The following HSF2 variants were observed in gnomAD, a reference collection of about 807,000 sequenced individuals.
The protein encoded by HSF2 is heat shock factor protein 2.
Under a neutral mutation model 65.0 loss-of-function variants are expected in HSF2, and 21 were observed. That is an observed-to-expected ratio of 0.32 (90% CI 0.23 to 0.47). The LOEUF (loss-of-function observed/expected upper bound fraction) is 0.47, where lower values mean the gene tolerates loss of function less well. Ranked by LOEUF, HSF2 falls within the 20% of genes least tolerant of loss-of-function variation. HSF2 has a pLI of 1.00. For synonymous variants in HSF2, 225 were observed against 219.1 expected (o/e 1.03, Z -0.24); for missense variants, 499 against 628.1 (o/e 0.79, Z 2.20).
intron 11 of HSF2, among the ~76,000 whole-genome samples, chr6:122,429,596 A>C (rs1359677951): frequency 1.3e-5 from 2 of 152,094 alleles, no homozygotes; most frequent in African/African-American, 4.8e-5. Context: ...AATGAATAAG[A>C]ATTTGCATGG....
intron 5 of HSF2, among the ~76,000 whole-genome samples, chr6:122,418,763 C>T (rs998965989): frequency 2.0e-5 from 3 of 152,264 alleles, no homozygotes; most frequent in African/African-American, 2.4e-5. Flanking sequence ...TGAGCCACCA[C>T]GCCTGGCCCA....
At chr6:122,408,920 C>T (rs1482104296) in intron 1 of HSF2, among the ~76,000 whole-genome samples, 1 of 149,202 alleles carries the variant, frequency 6.7e-6, no homozygotes, top group Non-Finnish European at 1.5e-5. Context: ...GAATGGAAGA[C>T]ACAAGAAAAG....
intron 11 of HSF2, among the ~76,000 whole-genome samples, chr6:122,430,924 A>T (rs1774449918): frequency 6.6e-6 from 1 of 152,148 alleles, no homozygotes; most frequent in Non-Finnish European, 1.5e-5. Context: ...CTCAACTTTG[A>T]GGCTTCTAAA....
Position 122,422,172 on chromosome 6 carries a change from G to T in HSF2, c.704G>T (p.Gly235Val), listed in dbSNP as rs1299289284. 5 of 1,605,866 alleles carry T rather than the reference G, an allele frequency of 3.1e-6. No homozygotes were observed. Among genetic ancestry groups the T allele is most frequent in the South Asian group, 2.2e-5 (2 of 90,490 alleles). ...HHKVPHSRTE[G>V]LKPRERISDD... ...TAGGTTCCACACAGTAGGACTGAAG[G>T]TTTAAAGCCAAGGGAGAGGATTTCA... Residue 235 changes from glycine (G) to valine (V), a missense_variant, in exon 8 of 13, where the codon GGT becomes GTT. Physicochemically the swap from Gly to Val is moderately radical, Grantham distance 109 (BLOSUM62 -3). Transcript: ENST00000368455.
In HSF2 at chr6:122,418,081, T is replaced by A. The variant is rs558717276; in HGVS notation, c.532-1087T>A. Among the ~76,000 whole-genome samples the A allele has an allele frequency of 2.4e-4, 36 of 152,306 alleles. No homozygotes were observed. The South Asian group carries it at 7.0e-3, about 30-fold the overall frequency. On this transcript the variant is annotated intron_variant, in intron 5 of 12. Transcript: ENST00000368455. ...AACCTGTACAATAGATATTTTTAATTGATAATACTCTATTTAATCATGTAA... is the reference window on the plus strand; with the variant it reads ...AACCTGTACAATAGATATTTTTAATAGATAATACTCTATTTAATCATGTAA...
At chr6:122,407,883 C>T (rs1176339737) in intron 1 of HSF2, among the ~76,000 whole-genome samples, 2 of 152,098 alleles carry the variant, frequency 1.3e-5, no homozygotes, top group Non-Finnish European at 2.9e-5. Flanking sequence ...AAGATGAAGG[C>T]AGTGGCCATT....
intron 10 of HSF2, among the ~76,000 whole-genome samples, chr6:122,424,861 G>A (rs774806018): frequency 6.6e-6 from 1 of 151,906 alleles, no homozygotes; most frequent in Non-Finnish European, 1.5e-5. Context: ...AATCCTTACA[G>A]TCTTCAGCTA....
intron 4 of HSF2, among the ~76,000 whole-genome samples, chr6:122,414,212 A>G (rs1392097904): frequency 1.3e-5 from 2 of 152,130 alleles, no homozygotes; most frequent in Non-Finnish European, 2.9e-5. Flanking sequence ...ATTTTACTAC[A>G]TTTCTTGGTT....
rs1431016543 is a variant in HSF2, at chr6:122,422,998, C to T, written c.1070+41C>T. On this transcript the variant is annotated intron_variant, in intron 9 of 12. Coordinates refer to ENST00000368455, the MANE Select transcript of HSF2 (RefSeq NM_004506.4). The stretch of plus-strand genomic sequence containing the variant: ...GATGTTGTCTAAAATTATTTGCTTT[C>T]TTTGTTCACTTCACATGTTCTGTTT... 4 of 1,602,372 alleles carry T rather than the reference C, an allele frequency of 2.5e-6. No homozygotes were observed. In the East Asian group the frequency reaches 6.7e-5, roughly 27 times the overall value.
chr6:122,417,547 A>C (rs192812568), intron 5 of HSF2, among the ~76,000 whole-genome samples: 2 of 152,256 alleles, frequency 1.3e-5, no homozygotes, highest in African/African-American at 4.8e-5. Context: ...GACAACCAAT[A>C]ATTTTTACTC....
chr6:122,418,093 A>G (rs559688662), intron 5 of HSF2, among the ~76,000 whole-genome samples: 15 of 151,392 alleles, frequency 9.9e-5, no homozygotes, highest in African/African-American at 3.4e-4. Flanking sequence ...ATAATACTCT[A>G]TTTAATCATG....
chr6:122,419,077 A>T (rs112233833), intron 5 of HSF2, 91 bp from the exon 6 acceptor site: 13 of 660,980 alleles, frequency 2.0e-5, no homozygotes, highest in African/African-American at 1.5e-4. Flanking sequence ...TAGAGGACAA[A>T]TTATTATATG....
At position 122,432,233 on chromosome 6, in the gene HSF2, T is replaced by A; in HGVS notation, c.*13T>A. ...TTTAGATAGCTAAATCCCCAGGAAG[T>A]GGACTTTACATGTATATATTCATCA... On this transcript the variant is annotated 3_prime_UTR_variant, in exon 13 of 13. Coordinates refer to ENST00000368455, the MANE Select transcript of HSF2 (RefSeq NM_004506.4). The A allele has an allele frequency of 6.3e-7, 1 of 1,592,358 alleles. No homozygotes were observed. The highest frequency in any genetic ancestry group is 8.6e-7 in the Non-Finnish European group (1 of 1,163,708).
intron 10 of HSF2, among the ~76,000 whole-genome samples, chr6:122,426,945 G>A (rs1187386447): frequency 6.6e-6 from 1 of 151,904 alleles, no homozygotes; most frequent in Non-Finnish European, 1.5e-5. Context: ...TACCTTCTTT[G>A]TTGATGCCGC....
rs570060339 is a variant in HSF2 at position 122,418,275 on chromosome 6, A to G, written c.532-893A>G. On this transcript the variant is annotated intron_variant, in intron 5 of 12. Coordinates refer to ENST00000368455, the MANE Select transcript of HSF2 (RefSeq NM_004506.4). ...AGTTGGCAATGTAATTTCAAGACAT[A>G]CTCTAAGCCAGTAGTTCTTATACTC... 2.6e-5 allele frequency among the ~76,000 whole-genome samples: 4 copies of G among 152,216 alleles called. No homozygotes were observed. In the East Asian group the frequency reaches 7.7e-4, roughly 29 times the overall value.
chr6:122,427,820 C>G, intron 10 of HSF2, 83 bp from the exon 11 acceptor site: 1 of 924,780 alleles, frequency 1.1e-6, no homozygotes. Context: ...TCTCTTCACC[C>G]AACATGGCTG....
Position 122,427,619 on chromosome 6 carries a change from G to C in HSF2, c.1177-284G>C, listed in dbSNP as rs546225484. ...GAAATGAAATTGAATGATAAATAAT[G>C]AAGAAGGGAGGAGGTGAAAACCACT... On this transcript the variant is annotated intron_variant, in intron 10 of 12. Coordinates refer to ENST00000368455, the MANE Select transcript of HSF2 (RefSeq NM_004506.4). 5.9e-5 allele frequency among the ~76,000 whole-genome samples: 9 copies of C among 152,160 alleles called. No homozygotes were observed. In the South Asian group the frequency reaches 1.9e-3, roughly 32 times the overall value.
rs899531398 is a variant in HSF2, at chr6:122,432,426, A to G, written c.*206A>G. ...CTCAGCTGCATAGTTACGCAGATGT[A>G]ATGCACATTATTGGCGTATCTTTAA... On this transcript the variant is annotated 3_prime_UTR_variant, in exon 13 of 13. Coordinates refer to ENST00000368455, the MANE Select transcript of HSF2 (RefSeq NM_004506.4). The G allele has an allele frequency of 8.1e-6, 4 of 493,190 alleles. No individual in the cohort carries two copies. The highest frequency in any genetic ancestry group is 7.8e-5 in the African/African-American group (4 of 50,988). The allele number at this position is 493,190 out of a possible 1,614,324, so 30.6% of individuals were successfully genotyped here.
intron 1 of HSF2, among the ~76,000 whole-genome samples, chr6:122,411,890 A>T (rs1249986020): frequency 6.6e-6 from 1 of 151,972 alleles, no homozygotes; most frequent in Non-Finnish European, 1.5e-5. Flanking sequence ...TTAATTTAGT[A>T]ACCACGTATC....
Sources: gnomAD v4.1 joint callset for allele counts (sites outside exome capture counted in the v4.1 genomes callset) on GRCh38, gnomAD v4.1.1 for gene constraint, MANE v1.5 for transcripts, NCBI Gene and HGNC (gene_info 2026-07-23, HGNC 2026-07-21) for gene names.